Variants in DNAAF9 observed in about 807,000 individuals in gnomAD.
DNAAF9 encodes the protein dynein axonemal assembly factor 9.
Under a neutral mutation model 167.0 loss-of-function variants are expected in DNAAF9, and 90 were observed. The ratio of observed to expected loss-of-function variants is 0.54; its 90% CI spans 0.45 to 0.64. The LOEUF is 0.64. DNAAF9 is among the 30% of genes least tolerant of loss of function. The pLI is 0.00. For missense variants in DNAAF9, 1,315 were observed against 1,442.2 expected (o/e 0.91, Z 1.43); for synonymous variants, 491 against 508.8 (o/e 0.96, Z 0.47).
chr20:3,295,060 G>A (rs1234473649), intron 23 of DNAAF9, among the ~76,000 whole-genome samples: 3 of 152,034 alleles, frequency 2.0e-5, no homozygotes, highest in East Asian at 1.9e-4. Flanking sequence ...TAGTAGAGAC[G>A]GGGTTTCACT....
intron 27 of DNAAF9, among the ~76,000 whole-genome samples, chr20:3,283,504 C>T (rs1357504537): frequency 6.6e-6 from 1 of 152,238 alleles, no homozygotes; most frequent in African/African-American, 2.4e-5. Context: ...GGGATTCTCC[C>T]CCTGCCTGGG....
intron 30 of DNAAF9, among the ~76,000 whole-genome samples, chr20:3,269,184 G>T (rs1287957179): frequency 6.6e-6 from 1 of 151,194 alleles, no homozygotes; most frequent in East Asian, 1.9e-4. Context: ...TGGGATTACA[G>T]GCGTGAGCCA....
At chr20:3,388,534 G>C (rs1378796715) in intron 1 of DNAAF9, among the ~76,000 whole-genome samples, 2 of 152,130 alleles carry the variant, frequency 1.3e-5, no homozygotes, top group East Asian at 3.8e-4. Context: ...AGCACTATTT[G>C]CAACAGCCAA....
In DNAAF9 at chr20:3,249,886, TCAGA is replaced by T. The variant is rs1223014832; in HGVS notation, c.*2682_*2685del. 1 of 151,946 alleles carries T rather than the reference TCAGA, an allele frequency of 6.6e-6. No homozygotes were observed. The highest frequency in any genetic ancestry group is 1.5e-5 in the Non-Finnish European group (1 of 68,030). The allele number at this position is 151,946 out of a possible 1,614,324, so 9.4% of individuals were successfully genotyped here. A position where few individuals can be genotyped will look rare whatever the true frequency, so the allele number is the denominator to read the frequency against. On this transcript the variant is annotated 3_prime_UTR_variant, in exon 37 of 37. Transcript: ENST00000252032. ...CTTCAGGTCAGATAGCCCCCAGGGC[TCAGA>T]GGGGCCGGCTCAACTCCTTGCCAAC...
rs988584990 is a variant in DNAAF9 at position 3,251,507 on chromosome 20, G to A, written c.*1065C>T. On this transcript the variant is annotated 3_prime_UTR_variant, in exon 37 of 37. Coordinates refer to ENST00000252032, the MANE Select transcript of DNAAF9 (RefSeq NM_001009984.3). The stretch of plus-strand genomic sequence containing the variant: ...CACTTGTAATTCCCCTCTGCTTTAT[G>A]GTCCAGCTTAAAACGATGCCATTAG... The A allele has an allele frequency of 2.0e-5, 3 of 152,176 alleles. No homozygotes were observed. The highest frequency in any genetic ancestry group is 4.4e-5 in the Non-Finnish European group (3 of 68,052). The allele number at this position is 152,176 out of a possible 1,614,324, so 9.4% of individuals were successfully genotyped here.
At chr20:3,363,234 A>AG (rs961203840) in intron 6 of DNAAF9, among the ~76,000 whole-genome samples, 2 of 151,096 alleles carry the variant, frequency 1.3e-5, no homozygotes, top group African/African-American at 4.9e-5. Context: ...GTCTCAAAAA[A>AG]AAAAAAAAAG....
At chr20:3,291,198 G>A (rs1220307402) in intron 25 of DNAAF9, among the ~76,000 whole-genome samples, 1 of 152,150 alleles carries the variant, frequency 6.6e-6, no homozygotes, top group Middle Eastern at 3.2e-3. Context: ...CAGGAAAATA[G>A]GTCCCCTTTC....
chr20:3,293,326 T>C (rs1363157577), intron 25 of DNAAF9, among the ~76,000 whole-genome samples: 2 of 132,916 alleles, frequency 1.5e-5, no homozygotes, highest in Non-Finnish European at 3.1e-5. Context: ...AAAAGAGACT[T>C]ATGGTTCTGA....
chr20:3,274,461 C>T (rs532580606), intron 29 of DNAAF9, among the ~76,000 whole-genome samples: 1 of 152,270 alleles, frequency 6.6e-6, no homozygotes, highest in Non-Finnish European at 1.5e-5. Flanking sequence ...GATTATTTAT[C>T]TTCTTCCTCT....
intron 27 of DNAAF9, among the ~76,000 whole-genome samples, chr20:3,282,173 A>G (rs559544393): frequency 1.3e-5 from 2 of 152,244 alleles, no homozygotes; most frequent in South Asian, 2.1e-4. Flanking sequence ...CAGGCAAGAG[A>G]GTGCGTCCGG....
At chr20:3,350,368 T>C (rs886912955) in intron 7 of DNAAF9, among the ~76,000 whole-genome samples, 5 of 152,062 alleles carry the variant, frequency 3.3e-5, no homozygotes, top group South Asian at 2.1e-4. Flanking sequence ...TAGTGTTTTC[T>C]GAGTATGTTT....
At chr20:3,378,345 G>A (rs1039996548) in intron 3 of DNAAF9, among the ~76,000 whole-genome samples, 2 of 152,336 alleles carry the variant, frequency 1.3e-5, no homozygotes, top group East Asian at 1.9e-4. Context: ...GTGTGCAGTG[G>A]TGAGCTTTGT....
chr20:3,391,931 T>A (rs1174884090), intron 1 of DNAAF9, among the ~76,000 whole-genome samples: 3 of 152,090 alleles, frequency 2.0e-5, no homozygotes, highest in Non-Finnish European at 4.4e-5. Flanking sequence ...GTGGCTCATG[T>A]CTGTAATCCC....
intron 5 of DNAAF9, 149 bp downstream of exon 5, chr20:3,374,881 G>A: frequency 1.6e-6 from 1 of 633,018 alleles, no homozygotes; most frequent in Non-Finnish European, 2.8e-6. Context: ...GCACAGAAAA[G>A]TCCCCATACT....
intron 36 of DNAAF9, 121 bp downstream of exon 36, chr20:3,253,601 ACATG>A (rs1413536913): frequency 2.8e-5 from 19 of 679,402 alleles, no homozygotes; most frequent in Non-Finnish European, 4.6e-5. Context: ...CCATCAGTGG[ACATG>A]CAGAGTGCTC....
At chr20:3,371,594 C>T (rs572892269) in intron 6 of DNAAF9, among the ~76,000 whole-genome samples, 10 of 152,144 alleles carry the variant, frequency 6.6e-5, no homozygotes, top group South Asian at 6.2e-4. Flanking sequence ...CCGCCCGCCT[C>T]GGCCTCCCAA....
At chr20:3,318,078 A>C (rs563495243) in intron 17 of DNAAF9, among the ~76,000 whole-genome samples, 6,588 of 143,944 alleles carry the variant, frequency 0.046, 218 homozygotes, top group African/African-American at 0.097. Flanking sequence ...TAGGTTATAC[A>C]CCCTTTGTTC....
chr20:3,354,539 C>T (rs2083259672), intron 7 of DNAAF9, among the ~76,000 whole-genome samples: 1 of 152,198 alleles, frequency 6.6e-6, no homozygotes, highest in African/African-American at 2.4e-5. Flanking sequence ...GCTTAAATAC[C>T]AGTGAGGGCA....
chr20:3,361,942 T>A, intron 6 of DNAAF9: 2 of 1,526,148 alleles, frequency 1.3e-6, no homozygotes, highest in Non-Finnish European at 1.8e-6. Flanking sequence ...TTAGACATCA[T>A]TAGGCGCCGA....
Sources: gnomAD v4.1 joint callset for allele counts (sites outside exome capture counted in the v4.1 genomes callset) on GRCh38, gnomAD v4.1.1 for gene constraint, MANE v1.5 for transcripts, NCBI Gene and HGNC (gene_info 2026-07-23, HGNC 2026-07-21) for gene names.